The following CLPTM1 variants were observed in gnomAD, a reference collection of about 807,000 sequenced individuals.
The protein encoded by CLPTM1 is putative lipid scramblase CLPTM1.
CLPTM1 carries 21 observed loss-of-function variants against 77.3 expected under a neutral mutation model. The ratio of observed to expected loss-of-function variants is 0.27; its 90% confidence interval spans 0.19 to 0.39. The LOEUF (loss-of-function observed/expected upper bound fraction) is 0.39, where lower values mean the gene tolerates loss of function less well. CLPTM1 is among the 10% of genes least tolerant of loss of function. The pLI is 1.00. For synonymous variants in CLPTM1, 373 were observed against 381.0 expected (o/e 0.98, Z 0.24); for missense variants, 642 against 921.2 (o/e 0.70, Z 3.92).
Position 44,991,206 on chromosome 19 carries a change from C to G in CLPTM1, c.1420-32C>G. On this transcript the variant is annotated intron_variant, in intron 11 of 13. Coordinates refer to ENST00000337392, the MANE Select transcript of CLPTM1 (RefSeq NM_001294.4). The surrounding 1 kb of genome is among the most constrained non-coding windows in gnomAD (Gnocchi z 5.4). ...AGGGCTGCCAGGCAGGGCTGAGGAG[C>G]TGGCTGACAGCCCCACCCTGTGGCC... The G allele has an allele frequency of 6.2e-7, 1 of 1,612,142 alleles. No homozygotes were observed. The highest frequency in any genetic ancestry group is 8.5e-7 in the Non-Finnish European group (1 of 1,178,820).
chr19:44,988,983 C>A (rs555188065), intron 9 of CLPTM1, among the ~76,000 whole-genome samples: 10 of 152,304 alleles, frequency 6.6e-5, no homozygotes, highest in African/African-American at 2.4e-4. Context: ...GAGTTTGAGA[C>A]CAGCCTGGGC....
intron 2 of CLPTM1, among the ~76,000 whole-genome samples, chr19:44,969,002 G>A (rs1970677480): frequency 6.6e-6 from 1 of 152,094 alleles, no homozygotes. Context: ...TCCTGCCCCT[G>A]ATCAGGGCTC....
chr19:44,973,239 G>A, intron 3 of CLPTM1, 29 bp downstream of exon 3: 1 of 1,613,754 alleles, frequency 6.2e-7, no homozygotes, highest in South Asian at 1.1e-5. Flanking sequence ...GGCAGACTTG[G>A]GAGGTGATGG....
intron 1 of CLPTM1, among the ~76,000 whole-genome samples, chr19:44,957,202 T>C (rs1172707467): frequency 6.6e-6 from 1 of 152,246 alleles, no homozygotes; most frequent in Non-Finnish European, 1.5e-5. Context: ...TCTTTCCTCA[T>C]AGTCTATGCA....
intron 5 of CLPTM1, among the ~76,000 whole-genome samples, chr19:44,979,624 A>G (rs1322536669): frequency 3.9e-5 from 6 of 152,100 alleles, no homozygotes; most frequent in Admixed American, 3.9e-4. Context: ...ATGAAATGAA[A>G]AGTTGACTCT....
intron 2 of CLPTM1, 135 bp downstream of exon 2, chr19:44,962,210 G>A (rs993563905): frequency 2.5e-6 from 1 of 402,858 alleles, no homozygotes; most frequent in African/African-American, 2.3e-5. Context: ...TTTTTTTTTT[G>A]TATGATGGAA....
chr19:44,987,487 A>G (rs1281032128), intron 8 of CLPTM1, 64 bp downstream of exon 8: 1 of 1,595,202 alleles, frequency 6.3e-7, no homozygotes, highest in East Asian at 2.2e-5. Context: ...GCCAAGAGGA[A>G]GTGTGCCAGG....
chr19:44,955,435 G>C lies in CLPTM1; in HGVS notation c.40G>C (p.Val14Leu). The change falls in exon 1 of 14, where the codon GTG becomes CTG. Residue 14 changes from valine (V) to leucine (L), a missense_variant. This residue lies in a region of CLPTM1 where 121 missense variants were observed against 120.8 expected (regional missense o/e 1.00). Transcript: ENST00000337392. ...AQEADGARSAVVAAGGGSSGQ... is the reference protein window; with the variant it reads ...AQEADGARSALVAAGGGSSGQ... ...GGAGGCGGACGGGGCCCGCAGCGCC[G>C]TGGTGGCGGCCGGGGGAGGCAGCTC... 1 of 1,333,990 alleles carries C rather than the reference G, an allele frequency of 7.5e-7. No homozygotes were observed. Among genetic ancestry groups the C allele is most frequent in the Non-Finnish European group, 9.6e-7 (1 of 1,044,840 alleles). The allele number at this position is 1,333,990 out of a possible 1,614,324, so 82.6% of individuals were successfully genotyped here. A position where few individuals can be genotyped will look rare whatever the true frequency, so the allele number is the denominator to read the frequency against.
chr19:44,991,055 C>G lies in CLPTM1; in HGVS notation c.1419+110C>G. ...CCGGACCCATGCTTTACAGCCTGTG[C>G]CACATCCTCTGTGTCCCCCATCTGC... is the stretch of plus-strand genomic sequence containing the variant. On this transcript the variant is annotated intron_variant, in intron 11 of 13. Transcript: ENST00000337392. This position sits in a 1 kb window ranked among gnomAD's most constrained non-coding sequence, Gnocchi z 5.4. 1 of 1,293,844 alleles carries G rather than the reference C, an allele frequency of 7.7e-7. No individual in the cohort carries two copies. The highest frequency in any genetic ancestry group is 1.1e-6 in the Non-Finnish European group (1 of 914,240). The allele number at this position is 1,293,844 out of a possible 1,614,324, so 80.1% of individuals were successfully genotyped here.
rs78965532 is a variant in CLPTM1 at position 44,955,835 on chromosome 19, T to C, written c.72+368T>C. 2,131 of 217,928 alleles carry C rather than the reference T, an allele frequency of 9.8e-3. 38 individuals carry two copies. The highest frequency in any genetic ancestry group is 0.041 in the African/African-American group (1,784 of 43,822). 13.5% of individuals were successfully genotyped at this position (217,928 alleles called of 1,614,324 possible). A position where few individuals can be genotyped will look rare whatever the true frequency, so the allele number is the denominator to read the frequency against. On this transcript the variant is annotated intron_variant, in intron 1 of 13. Transcript: ENST00000337392. Reference sequence around the variant, plus strand: ...CTGGCGTTCAGGTCTCGTTGTAGTGTTTGAGGTGTGCGCAGTGATTAATTG... The same window carrying C: ...CTGGCGTTCAGGTCTCGTTGTAGTGCTTGAGGTGTGCGCAGTGATTAATTG...
rs1172476888 is a variant in CLPTM1 at position 44,979,969 on chromosome 19, C to T, written c.586+2509C>T. On this transcript the variant is annotated intron_variant, in intron 5 of 13. Transcript: ENST00000337392. ...ACCTAATCATCCCGTTGACCCAAAT[C>T]GATGCCAGTATTTTCTGCAGTTTTG... 5.3e-5 allele frequency among the ~76,000 whole-genome samples: 8 copies of T among 152,288 alleles called. No homozygotes were observed. The South Asian group carries it at 1.0e-3, about 20-fold the overall frequency.
At position 44,992,836 on chromosome 19, in the gene CLPTM1, G is replaced by T; in HGVS notation, c.1949G>T (p.Ser650Ile). Residue 650 changes from serine to isoleucine, a missense_variant, in exon 14 of 14, where the codon AGC becomes ATC. Ser to Ile is a moderately radical substitution (Grantham distance 142). This residue lies in a region of CLPTM1 where 521 missense variants were observed against 800.4 expected (regional missense o/e 0.65). Transcript: ENST00000337392. The surrounding 1 kb of genome is among the most constrained non-coding windows in gnomAD (Gnocchi z 7.7). ...CCCACCAAGCCCACCCAGGGGGCCAGCTCTGCCAGCGAGCCCCAGGAAGCC... is the reference window on the plus strand; with the variant it reads ...CCCACCAAGCCCACCCAGGGGGCCATCTCTGCCAGCGAGCCCCAGGAAGCC... The part of the protein sequence containing the change: ...SLPTKPTQGA[S>I]SASEPQEAPP... The T allele has an allele frequency of 6.2e-7, 1 of 1,613,724 alleles. No homozygotes were observed.
intron 9 of CLPTM1, 58 bp downstream of exon 9, chr19:44,988,231 C>T (rs1971014126): frequency 4.9e-6 from 6 of 1,212,538 alleles, no homozygotes; most frequent in Non-Finnish European, 7.4e-6. Flanking sequence ...ACAGGACCTG[C>T]CCCCTTCCTC....
chr19:44,992,473 AG>A lies in CLPTM1; in HGVS notation c.1723+78del, dbSNP rs1189349383. On this transcript the variant is annotated intron_variant, in intron 13 of 13. Transcript: ENST00000337392. This position sits in a 1 kb window ranked among gnomAD's most constrained non-coding sequence, Gnocchi z 7.7. ...AGGCAGTCTTTAGGGCCCAGGCCTG[AG>A]GGGGTGCCACGGCCCCAGATGGGGT... is the stretch of plus-strand genomic sequence containing the variant. The A allele has an allele frequency of 6.3e-6, 10 of 1,597,658 alleles. No homozygotes were observed. Among genetic ancestry groups the A allele is most frequent in the Non-Finnish European group, 6.8e-6 (8 of 1,168,240 alleles).
intron 9 of CLPTM1, among the ~76,000 whole-genome samples, chr19:44,988,826 G>T (rs1313960979): frequency 6.6e-6 from 1 of 152,226 alleles, no homozygotes; most frequent in African/African-American, 2.4e-5. Context: ...TGAAGGAGTG[G>T]CCTGCGGCCC....
At position 44,990,262 on chromosome 19, in the gene CLPTM1, C is replaced by T. The variant is rs1971048167; in HGVS notation, c.1133-133C>T. Reference sequence around the variant, plus strand: ...GAGCCTTCCTGGGAGAGAGGGGTCTCGTTCAGCACCCCTCCTGAGGACCCA... The same window carrying T: ...GAGCCTTCCTGGGAGAGAGGGGTCTTGTTCAGCACCCCTCCTGAGGACCCA... On this transcript the variant is annotated intron_variant, in intron 9 of 13. Coordinates refer to ENST00000337392, the MANE Select transcript of CLPTM1 (RefSeq NM_001294.4). This position sits in a 1 kb window ranked among gnomAD's most constrained non-coding sequence, Gnocchi z 4.8. 1.1e-5 allele frequency: 9 copies of T among 830,170 alleles called. No individual in the cohort carries two copies. The highest frequency in any genetic ancestry group is 2.3e-5 in the Admixed American group (1 of 43,336). The allele number at this position is 830,170 out of a possible 1,614,324, so 51.4% of individuals were successfully genotyped here. A position where few individuals can be genotyped will look rare whatever the true frequency, so the allele number is the denominator to read the frequency against.
rs1971045677 is a variant in CLPTM1, at chr19:44,990,151, CT to C, written c.1133-242del. Reference sequence around the variant, plus strand: ...GTCACCATCAGTCAAGGGACTGCACCTTGGGGTGCTGGGTGCTGACGTCCTA... The same window carrying C: ...GTCACCATCAGTCAAGGGACTGCACCTGGGGTGCTGGGTGCTGACGTCCTA... On this transcript the variant is annotated intron_variant, in intron 9 of 13. Transcript: ENST00000337392. The surrounding 1 kb of genome is among the most constrained non-coding windows in gnomAD (Gnocchi z 4.8). 1.8e-6 allele frequency: 1 copy of C among 544,198 alleles called. No homozygotes were observed. 33.7% of individuals were successfully genotyped at this position (544,198 alleles called of 1,614,324 possible).
Position 44,977,474 on chromosome 19 carries a change from C to T in CLPTM1, c.586+14C>T, listed in dbSNP as rs1466446494. ...ACATGTCCCGGAGTAAGTCGCTCCC[C>T]TGCAGCCAGGACCCACTGTCCAGGA... On this transcript the variant is annotated intron_variant, in intron 5 of 13. Coordinates refer to ENST00000337392, the MANE Select transcript of CLPTM1 (RefSeq NM_001294.4). 1 of 1,580,844 alleles carries T rather than the reference C, an allele frequency of 6.3e-7. No homozygotes were observed. Among genetic ancestry groups the T allele is most frequent in the Admixed American group, 1.7e-5 (1 of 59,982 alleles).
At chr19:44,955,086 G>T (rs146537404), upstream of CLPTM1, 688 of 1,535,742 alleles carry the variant, frequency 4.5e-4, 2 homozygotes, top group African/African-American at 8.7e-3. Context: ...AACCGAAAAG[G>T]CGGGTTAATG....
Sources: allele counts gnomAD v4.1 joint callset (sites outside exome capture counted in the v4.1 genomes callset), GRCh38; gene constraint gnomAD v4.1.1; regional missense constraint gnomAD v4.1.1; non-coding constraint Gnocchi (gnomAD v3.1); transcripts MANE v1.5; gene names NCBI Gene and HGNC (gene_info 2026-07-23, HGNC 2026-07-21).